HS6ST3: variants seen among roughly 807,000 people sequenced by gnomAD.
The protein encoded by HS6ST3 is heparan sulfate 6-O-sulfotransferase 3.
A neutral mutation model predicts 36.7 loss-of-function variants in HS6ST3; 12 were observed. The ratio of observed to expected loss-of-function variants is 0.33; its 90% CI spans 0.21 to 0.53. The LOEUF (loss-of-function observed/expected upper bound fraction) is 0.53. Among genes scored for constraint, HS6ST3 ranks in the 20% least tolerant of loss-of-function variants. HS6ST3 has a pLI of 0.95. For synonymous variants in HS6ST3, 240 were observed against 257.5 expected (o/e 0.93, Z 0.65); for missense variants, 584 against 640.9 (o/e 0.91, Z 0.96).
intron 1 of HS6ST3, among the ~76,000 whole-genome samples, chr13:96,750,343 C>T (rs533488914): frequency 2.0e-5 from 3 of 152,348 alleles, no homozygotes; most frequent in East Asian, 1.9e-4. Flanking sequence ...GGCAACCTTC[C>T]GTGACACTGA....
At chr13:96,438,442 G>A (rs2139478739) in intron 1 of HS6ST3, among the ~76,000 whole-genome samples, 1 of 152,316 alleles carries the variant, frequency 6.6e-6, no homozygotes, top group African/African-American at 2.4e-5. Context: ...CACAAGGTTA[G>A]GGTTGGAACC....
intron 1 of HS6ST3, among the ~76,000 whole-genome samples, chr13:96,784,911 C>G (rs575921006): frequency 6.6e-6 from 1 of 152,142 alleles, no homozygotes. Context: ...CTCACTCCTG[C>G]GATCCCAGCA....
At chr13:96,137,436 A>ATCT (rs2054008090) in intron 1 of HS6ST3, among the ~76,000 whole-genome samples, 1 of 141,448 alleles carries the variant, frequency 7.1e-6, no homozygotes, top group Non-Finnish European at 1.5e-5. Context: ...AATCCTGAAC[A>ATCT]TTTTTTTTTT....
At chr13:96,576,998 G>T (rs117972598) in intron 1 of HS6ST3, among the ~76,000 whole-genome samples, 3,645 of 140,912 alleles carry the variant, frequency 0.026, 79 homozygotes, top group Non-Finnish European at 0.038. Context: ...CTTTCCCAAT[G>T]TATAGATATT....
chr13:96,319,209 GA>G (rs1230126052), intron 1 of HS6ST3, among the ~76,000 whole-genome samples: 1 of 151,962 alleles, frequency 6.6e-6, no homozygotes, highest in Non-Finnish European at 1.5e-5. Context: ...AACAGAATTT[GA>G]AAAAAGTGGT....
At chr13:96,276,891 A>T (rs1428238005) in intron 1 of HS6ST3, among the ~76,000 whole-genome samples, 1 of 152,140 alleles carries the variant, frequency 6.6e-6, no homozygotes, top group Non-Finnish European at 1.5e-5. Context: ...TGGCCACGCT[A>T]CCAAGATACT....
intron 1 of HS6ST3, among the ~76,000 whole-genome samples, chr13:96,613,365 C>G (rs888012780): frequency 6.6e-6 from 1 of 152,192 alleles, no homozygotes; most frequent in Admixed American, 6.5e-5. Context: ...TAAGATTTCA[C>G]AGCTCATTTG....
At chr13:96,718,385 A>G (rs1242112941) in intron 1 of HS6ST3, among the ~76,000 whole-genome samples, 1 of 152,190 alleles carries the variant, frequency 6.6e-6, no homozygotes, top group African/African-American at 2.4e-5. Flanking sequence ...TCTTGAGATT[A>G]TAGGACATGC....
At chr13:96,664,629 A>G (rs1265470872) in intron 1 of HS6ST3, among the ~76,000 whole-genome samples, 1 of 152,140 alleles carries the variant, frequency 6.6e-6, no homozygotes, top group Admixed American at 6.5e-5. Flanking sequence ...CTCCTACTTT[A>G]CAGAGAATGT....
chr13:96,135,642 A>T (rs1189126928), intron 1 of HS6ST3, among the ~76,000 whole-genome samples: 1 of 151,980 alleles, frequency 6.6e-6, no homozygotes. Flanking sequence ...GAAAACTGTT[A>T]AACCACACGG....
intron 1 of HS6ST3, among the ~76,000 whole-genome samples, chr13:96,494,226 A>G: frequency 6.6e-6 from 1 of 152,090 alleles, no homozygotes; most frequent in Non-Finnish European, 1.5e-5. Flanking sequence ...AAAAATGATG[A>G]GTTCATATCC....
chr13:96,623,825 T>TG (rs2056503345), intron 1 of HS6ST3, among the ~76,000 whole-genome samples: 1 of 152,194 alleles, frequency 6.6e-6, no homozygotes. Flanking sequence ...GCAGGGCTAA[T>TG]GTAGCCAGTG....
At chr13:96,789,840 T>C (rs1308531320) in intron 1 of HS6ST3, among the ~76,000 whole-genome samples, 2 of 151,954 alleles carry the variant, frequency 1.3e-5, no homozygotes, top group Non-Finnish European at 2.9e-5. Context: ...ATTTTAAGAT[T>C]TTTTTCTTTG....
intron 1 of HS6ST3, among the ~76,000 whole-genome samples, chr13:96,674,333 A>C (rs1292462458): frequency 6.6e-6 from 1 of 152,180 alleles, no homozygotes; most frequent in East Asian, 1.9e-4. Flanking sequence ...GAGCCAATTA[A>C]ACCTCTTTTC....
chr13:96,150,236 A>C (rs567356844), intron 1 of HS6ST3, among the ~76,000 whole-genome samples: 21 of 152,252 alleles, frequency 1.4e-4, no homozygotes, highest in African/African-American at 5.1e-4. Flanking sequence ...TGGACTTTTT[A>C]TGGGCTTAGA....
At chr13:96,562,046 G>T (rs953598844) in intron 1 of HS6ST3, among the ~76,000 whole-genome samples, 2 of 152,116 alleles carry the variant, frequency 1.3e-5, no homozygotes, top group Non-Finnish European at 2.9e-5. Context: ...CAAAAGAAAA[G>T]AAATCATTCT....
At chr13:96,670,530 T>G (rs562073476) in intron 1 of HS6ST3, among the ~76,000 whole-genome samples, 30 of 152,134 alleles carry the variant, frequency 2.0e-4, no homozygotes, top group African/African-American at 7.2e-4. Flanking sequence ...ATGGTGATGC[T>G]GGAGAGAAAG....
intron 1 of HS6ST3, among the ~76,000 whole-genome samples, chr13:96,218,335 A>T (rs2054437345): frequency 6.6e-6 from 1 of 152,112 alleles, no homozygotes; most frequent in Middle Eastern, 3.4e-3. Context: ...CAACCACCAA[A>T]CCCAGTGGGA....
At chr13:96,557,904 C>T (rs534325572) in intron 1 of HS6ST3, among the ~76,000 whole-genome samples, 1 of 152,274 alleles carries the variant, frequency 6.6e-6, no homozygotes, top group African/African-American at 2.4e-5. Context: ...TAGTTAACCT[C>T]TCTGTCCCTC....
Sources: gnomAD v4.1 joint callset for allele counts (sites outside exome capture counted in the v4.1 genomes callset) on GRCh38, gnomAD v4.1.1 for gene constraint, MANE v1.5 for transcripts, NCBI Gene and HGNC (gene_info 2026-07-23, HGNC 2026-07-21) for gene names.